The following CCAR2 variants were observed in gnomAD, a reference collection of about 807,000 sequenced individuals.
CCAR2 encodes cell cycle and apoptosis regulator protein 2.
CCAR2 carries 21 observed loss-of-function variants against 108.1 expected under a neutral mutation model. That is an observed-to-expected ratio of 0.19 (90% CI 0.14 to 0.28). The LOEUF is 0.28. CCAR2 is among the 10% of genes least tolerant of loss of function. The pLI, the probability that CCAR2 is intolerant of heterozygous loss-of-function variation, is 1.00. For missense variants in CCAR2, 1,126 were observed against 1,177.0 expected (o/e 0.96, Z 0.63); for synonymous variants, 577 against 472.8 (o/e 1.22, Z -2.86).
chr8:22,615,605 G>A lies in CCAR2; in HGVS notation c.1377+9G>A, dbSNP rs749797028. ...CCCAGGAGGCACAAGGGGTAAGGCT[G>A]TGCCTTAGCCAGCAGCGGGGGATAT... On this transcript the variant is annotated intron_variant, in intron 12 of 20. Transcript: ENST00000308511. 6 of 1,613,662 alleles carry A rather than the reference G, an allele frequency of 3.7e-6. No homozygotes were observed. Among genetic ancestry groups the A allele is most frequent in the Admixed American group, 1.7e-5 (1 of 59,990 alleles).
intron 7 of CCAR2, among the ~76,000 whole-genome samples, chr8:22,611,394 G>GTGTGTGTGTGTGTGTGTGTGTGTGTA (rs1054907658): frequency 1.1e-4 from 16 of 142,384 alleles, no homozygotes; most frequent in Admixed American, 8.2e-4. Context: ...ATATATGTGT[G>GTGTGTGTGTGTGTGTGTGTGTGTGTA]TGTGTGTGTG....
intron 19 of CCAR2, 28 bp downstream of exon 19, chr8:22,619,043 G>T: frequency 6.2e-7 from 1 of 1,609,460 alleles, no homozygotes; most frequent in Non-Finnish European, 8.5e-7. Flanking sequence ...CAGCCACCAT[G>T]GGGTCACATG....
intron 7 of CCAR2, 100 bp downstream of exon 7, chr8:22,608,165 C>A (rs1801151566): frequency 2.2e-6 from 2 of 916,120 alleles, no homozygotes. Flanking sequence ...GAACCCAGGT[C>A]AACTGCTTGG....
intron 6 of CCAR2, 58 bp downstream of exon 6, chr8:22,607,383 G>A: frequency 6.3e-7 from 1 of 1,591,274 alleles, no homozygotes; most frequent in Non-Finnish European, 8.5e-7. Flanking sequence ...TAGATCAATG[G>A]ACTTTCAGGT....
At chr8:22,621,069 C>T, downstream of CCAR2, 1 of 208,462 alleles carries the variant, frequency 4.8e-6, no homozygotes, top group Non-Finnish European at 9.6e-6. Flanking sequence ...AGATTTGATG[C>T]CCACAACGCA....
In CCAR2 at chr8:22,618,434, T is replaced by G; in HGVS notation, c.2159T>G (p.Leu720Trp). 1 of 1,614,246 alleles carries G rather than the reference T, an allele frequency of 6.2e-7. No individual in the cohort carries two copies. Among genetic ancestry groups the G allele is most frequent in the Non-Finnish European group, 8.5e-7 (1 of 1,180,046 alleles). Residue 720 changes from leucine to tryptophan, a missense_variant, in exon 17 of 21, where the codon TTG (leucine) becomes TGG (tryptophan). By Grantham distance (61) the Leu-to-Trp change is moderately conservative. Coordinates refer to ENST00000308511, the MANE Select transcript of CCAR2 (RefSeq NM_001393997.1). Reference protein sequence around the residue: ...VFFDANWCGYLHRRDLERILL... With the variant: ...VFFDANWCGYWHRRDLERILL... ...TTTGATGCCAACTGGTGTGGCTACT[T>G]GCACCGGCGAGACTTAGAGAGGATC... is the stretch of plus-strand genomic sequence containing the variant.
chr8:22,619,769 G>A lies in CCAR2; in HGVS notation c.*87G>A, dbSNP rs917497779. 10 of 1,439,012 alleles carry A rather than the reference G, an allele frequency of 6.9e-6. No individual in the cohort carries two copies. Among genetic ancestry groups the A allele is most frequent in the Middle Eastern group, 4.8e-4 (2 of 4,210 alleles). The allele number at this position is 1,439,012 out of a possible 1,614,324, so 89.1% of individuals were successfully genotyped here. A position where few individuals can be genotyped will look rare whatever the true frequency, so the allele number is the denominator to read the frequency against. On this transcript the variant is annotated 3_prime_UTR_variant, in exon 21 of 21. Transcript: ENST00000308511. ...CTTGCGGTACCAGAAAGCAGCGAGA[G>A]CGAGACCTGGGAGCCAGGGCAGGGG...
At chr8:22,612,795 A>G (rs2306518) in intron 7 of CCAR2, 181,235 of 459,302 alleles carry the variant, frequency 0.39, 37,476 homozygotes, top group African/African-American at 0.57. Context: ...TGTGTATACA[A>G]TGTTGCAGAG....
chr8:22,617,238 C>A, intron 14 of CCAR2, 182 bp from the exon 15 acceptor site: 1 of 629,398 alleles, frequency 1.6e-6, no homozygotes, highest in Non-Finnish European at 2.5e-6. Flanking sequence ...AGGTGTCTGG[C>A]GATGCCCTGG....
chr8:22,614,665 G>T (rs572469876), intron 10 of CCAR2, 162 bp downstream of exon 10: 7 of 1,043,234 alleles, frequency 6.7e-6, no homozygotes, highest in Non-Finnish European at 8.7e-6. Flanking sequence ...GAGCTGTTAC[G>T]ACTAGTCAGA....
intron 20 of CCAR2, 104 bp from the exon 21 acceptor site, chr8:22,619,534 A>C (rs936703372): frequency 7.0e-7 from 1 of 1,434,506 alleles, no homozygotes; most frequent in African/African-American, 1.4e-5. Context: ...TTGAGCAGTC[A>C]GCAGCGTGCA....
rs956945836 is a variant in CCAR2, at chr8:22,611,253, C to T, written c.585-1764C>T. Among the ~76,000 whole-genome samples, 23 of 149,730 alleles carry T rather than the reference C, an allele frequency of 1.5e-4. No individual in the cohort carries two copies. In the East Asian group the frequency reaches 1.6e-3, roughly 10 times the overall value. On this transcript the variant is annotated intron_variant, in intron 7 of 20. Coordinates refer to ENST00000308511, the MANE Select transcript of CCAR2 (RefSeq NM_001393997.1). ...GTGGGTACCTGTAATCCCAGCTACT[C>T]GGGAGGCTGAGGCAGGAGAATTGCT... is the stretch of plus-strand genomic sequence containing the variant.
At chr8:22,614,596 A>G (rs1210328377) in intron 10 of CCAR2, 93 bp downstream of exon 10, 2 of 1,240,680 alleles carry the variant, frequency 1.6e-6, no homozygotes, top group Non-Finnish European at 1.2e-6. Context: ...TGAATGCATA[A>G]AACGAGGCAT....
chr8:22,616,878 TTTTTTTTTTTTTTTTTTTG>T lies in CCAR2; in HGVS notation c.1846-541_1846-523del, dbSNP rs930148113. Among the ~76,000 whole-genome samples, 24 of 59,326 alleles carry T rather than the reference TTTTTTTTTTTTTTTTTTTG, an allele frequency of 4.0e-4. 1 individual carries two copies. The highest frequency in any genetic ancestry group is 6.4e-4 in the Non-Finnish European group (21 of 32,620). The allele number at this position is 59,326 out of a possible 152,430, so 38.9% of individuals were successfully genotyped here. A position where few individuals can be genotyped will look rare whatever the true frequency, so the allele number is the denominator to read the frequency against. On this transcript the variant is annotated intron_variant, in intron 14 of 20. Coordinates refer to ENST00000308511, the MANE Select transcript of CCAR2 (RefSeq NM_001393997.1). ...AAATACTAGTCTGCTTTTTTTTTTT[TTTTTTTTTTTTTTTTTTTG>T]GGGAGATGGAGTCTTGCTCTGTCAC...
rs1302915754 is a variant in CCAR2 at position 22,618,332 on chromosome 8, C to CTTTG, written c.2074-13_2074-10dup. 6.2e-7 allele frequency: 1 copy of CTTTG among 1,614,036 alleles called. No individual in the cohort carries two copies. Among genetic ancestry groups the CTTTG allele is most frequent in the African/African-American group, 1.3e-5 (1 of 74,944 alleles). Reference sequence around the variant, plus strand: ...GGAACTATTTGCAAATCCTGCTCATCTTTGTTTTCTTTGCAGCCCAAGGAG... The same window carrying CTTTG: ...GGAACTATTTGCAAATCCTGCTCATCTTTGTTTGTTTTCTTTGCAGCCCAAGGAG... On this transcript the variant is annotated splice_polypyrimidine_tract_variant and intron_variant, in intron 16 of 20. Transcript: ENST00000308511.
chr8:22,613,909 A>C, intron 8 of CCAR2, 183 bp from the exon 9 acceptor site: 1 of 589,378 alleles, frequency 1.7e-6, no homozygotes, highest in South Asian at 2.2e-5. Flanking sequence ...TCCCAGTTTG[A>C]CTTTTGCCAT....
intron 11 of CCAR2, 169 bp from the exon 12 acceptor site, chr8:22,615,256 G>C (rs563982756): frequency 2.1e-6 from 2 of 944,716 alleles, no homozygotes; most frequent in Admixed American, 2.6e-5. Context: ...CCCACTGACT[G>C]ATCATTTCTT....
chr8:22,607,271 C>A lies in CCAR2; in HGVS notation c.433C>A (p.Gln145Lys). The part of the protein sequence containing the change: ...LGQKQGILGA[Q>K]PQLIFQPHRI... Reference sequence around the variant, plus strand: ...CCAGAAGCAAGGGATCCTGGGAGCTCAGCCTCAGTTGATCTTCCAGCCTCA... The same window carrying A: ...CCAGAAGCAAGGGATCCTGGGAGCTAAGCCTCAGTTGATCTTCCAGCCTCA... Residue 145 changes from glutamine to lysine, a missense_variant, in exon 6 of 21, where the codon CAG becomes AAG. This residue lies in a region of CCAR2 where 44 missense variants were observed against 63.4 expected (regional missense o/e 0.69). Transcript: ENST00000308511. The A allele has an allele frequency of 6.2e-7, 1 of 1,613,884 alleles. No individual in the cohort carries two copies. Among genetic ancestry groups the A allele is most frequent in the Non-Finnish European group, 8.5e-7 (1 of 1,180,022 alleles).
At chr8:22,616,316 G>C in intron 14 of CCAR2, 68 bp downstream of exon 14, 1 of 1,459,526 alleles carries the variant, frequency 6.9e-7, no homozygotes, top group East Asian at 2.3e-5. Flanking sequence ...CCCGGGCTCT[G>C]TTCCGAGCGC....
Sources: gnomAD v4.1 joint callset for allele counts (sites outside exome capture counted in the v4.1 genomes callset) on GRCh38, gnomAD v4.1.1 for gene constraint, gnomAD v4.1.1 regional missense constraint, MANE v1.5 for transcripts, NCBI Gene and HGNC (gene_info 2026-07-23, HGNC 2026-07-21) for gene names.